The following PREX2 variants were observed in gnomAD, a reference collection of about 807,000 sequenced individuals.
The protein encoded by PREX2 is phosphatidylinositol-3,4,5-trisphosphate dependent Rac exchange factor 2.
Under a neutral mutation model 203.2 loss-of-function variants are expected in PREX2, and 107 were observed. That is an observed-to-expected ratio of 0.53 (90% confidence interval 0.45 to 0.62). PREX2 has a LOEUF of 0.62. Among genes scored for constraint, PREX2 ranks in the 20% least tolerant of loss-of-function variants. PREX2 has a pLI of 0.00. For missense variants in PREX2, 1,777 were observed against 1,955.9 expected (o/e 0.91, Z 1.72); for synonymous variants, 672 against 663.6 (o/e 1.01, Z -0.19).
In PREX2 at chr8:67,952,500, C is replaced by T. The variant is rs1459888665; in HGVS notation, c.106C>T (p.Arg36Trp). The change falls in exon 1 of 40, where the codon CGG (arginine) becomes TGG (tryptophan). Residue 36 changes from arginine (R) to tryptophan (W), a missense_variant. Physicochemically the swap from Arg to Trp is moderately radical, Grantham distance 101. Transcript: ENST00000288368. ...CVLSELQKTE[R>W]DYVGTLEFLV... is the part of the protein sequence containing the mutation. ...GCTCAGCGAGCTCCAGAAGACCGAG[C>T]GGGACTATGTGGGCACGCTGGAGTT... The T allele has an allele frequency of 1.9e-6, 3 of 1,610,014 alleles. No individual in the cohort carries two copies. Among genetic ancestry groups the T allele is most frequent in the Admixed American group, 1.7e-5 (1 of 59,634 alleles).
chr8:68,097,357 C>T (rs1810116453), intron 22 of PREX2, among the ~76,000 whole-genome samples, 156 bp downstream of exon 22: 1 of 150,216 alleles, frequency 6.7e-6, no homozygotes, highest in South Asian at 2.1e-4. Flanking sequence ...CAGAATATCA[C>T]TCTGTCACCC....
chr8:68,185,125 C>T (rs1389605088), intron 35 of PREX2, among the ~76,000 whole-genome samples: 2 of 152,114 alleles, frequency 1.3e-5, no homozygotes, highest in Admixed American at 6.6e-5. Flanking sequence ...TAGGGTCTCT[C>T]GCAGCATTCA....
chr8:68,150,676 G>C (rs1490909209), intron 34 of PREX2, among the ~76,000 whole-genome samples: 1 of 152,166 alleles, frequency 6.6e-6, no homozygotes, highest in Non-Finnish European at 1.5e-5. Flanking sequence ...CTTCTTGGCT[G>C]TGGGTGCCTT....
In PREX2 at chr8:68,233,244, CT is replaced by C. The variant is rs1267744168; in HGVS notation, c.*1867del. On this transcript the variant is annotated 3_prime_UTR_variant, in exon 40 of 40. Coordinates refer to ENST00000288368, the MANE Select transcript of PREX2 (RefSeq NM_024870.4). ...TTGTAGGACTAATAAAGGAACACAG[CT>C]GATTAGCTAGCAAGTCCTTTCATAT... 8 of 152,168 alleles carry C rather than the reference CT, an allele frequency of 5.3e-5. No homozygotes were observed. Among genetic ancestry groups the C allele is most frequent in the African/African-American group, 1.9e-4 (8 of 41,460 alleles). The allele number at this position is 152,168 out of a possible 1,614,324, so 9.4% of individuals were successfully genotyped here. A position where few individuals can be genotyped will look rare whatever the true frequency, so the allele number is the denominator to read the frequency against.
At chr8:68,202,740 G>A (rs1812530097) in intron 37 of PREX2, among the ~76,000 whole-genome samples, 1 of 152,176 alleles carries the variant, frequency 6.6e-6, no homozygotes, top group Admixed American at 6.5e-5. Flanking sequence ...ATAGGACAGA[G>A]AGAGACAGAG....
chr8:68,121,091 A>G, intron 30 of PREX2, 42 bp downstream of exon 30: 1 of 1,601,490 alleles, frequency 6.2e-7, no homozygotes, highest in Non-Finnish European at 8.5e-7. Context: ...TATTAGCAAT[A>G]ATCAATTTAA....
intron 1 of PREX2, among the ~76,000 whole-genome samples, chr8:67,979,610 T>C (rs2129609143): frequency 6.6e-6 from 1 of 152,318 alleles, no homozygotes; most frequent in East Asian, 1.9e-4. Context: ...TCAGATGGTT[T>C]TATGGTTTGT....
At chr8:68,041,192 T>C (rs932022046) in intron 7 of PREX2, among the ~76,000 whole-genome samples, 2 of 152,160 alleles carry the variant, frequency 1.3e-5, no homozygotes, top group Admixed American at 1.3e-4. Context: ...AAATGACTGT[T>C]TATTCCAGGT....
intron 12 of PREX2, among the ~76,000 whole-genome samples, 198 bp downstream of exon 12, chr8:68,069,334 T>C (rs1809120636): frequency 6.6e-6 from 1 of 151,912 alleles, no homozygotes; most frequent in Non-Finnish European, 1.5e-5. Flanking sequence ...TCTTACCTAA[T>C]TCTAAATGGT....
In PREX2 at chr8:68,147,103, C is replaced by T. The variant is rs141280422; in HGVS notation, c.4231+751C>T. On this transcript the variant is annotated intron_variant, in intron 34 of 39. Coordinates refer to ENST00000288368, the MANE Select transcript of PREX2 (RefSeq NM_024870.4). ...TCTAAAAAAAATGTGTGTCATGTCA[C>T]AAGATTGTATCAGTTTCTCTGAATG... Among the ~76,000 whole-genome samples, 1,094 of 152,230 alleles carry T rather than the reference C, an allele frequency of 7.2e-3. 6 individuals carry two copies. Among genetic ancestry groups the T allele is most frequent in the Middle Eastern group, 0.02 (6 of 294 alleles).
Position 67,974,276 on chromosome 8 carries a change from A to G in PREX2, c.141+21741A>G, listed in dbSNP as rs138107365. ...TACTTTGGACTTAGACTAACAAGAT[A>G]CAATTTGCCAGTATCTTGGTTGAGA... On this transcript the variant is annotated intron_variant, in intron 1 of 39. Transcript: ENST00000288368. Among the ~76,000 whole-genome samples the G allele has an allele frequency of 4.5e-3, 683 of 152,236 alleles. 3 individuals carry two copies. Among genetic ancestry groups the G allele is most frequent in the Middle Eastern group, 0.02 (6 of 294 alleles).
At chr8:68,069,159 C>G (rs375237518) in intron 12 of PREX2, 23 bp downstream of exon 12, 1 of 1,075,692 alleles carries the variant, frequency 9.3e-7, no homozygotes, top group Non-Finnish European at 1.4e-6. Flanking sequence ...CCCACAACCT[C>G]TCCAATAGTA....
intron 7 of PREX2, among the ~76,000 whole-genome samples, chr8:68,039,602 C>A (rs1808134680): frequency 6.6e-6 from 1 of 152,108 alleles, no homozygotes; most frequent in African/African-American, 2.4e-5. Flanking sequence ...GTTGTGATGG[C>A]CATGAGGAGT....
chr8:68,146,050 A>G (rs1443430805), intron 33 of PREX2, among the ~76,000 whole-genome samples, 159 bp from the exon 34 acceptor site: 1 of 152,098 alleles, frequency 6.6e-6, no homozygotes, highest in Non-Finnish European at 1.5e-5. Context: ...TAATACTTTC[A>G]CTGAATAGCA....
At chr8:68,194,915 C>T (rs2129614744) in intron 37 of PREX2, among the ~76,000 whole-genome samples, 1 of 152,226 alleles carries the variant, frequency 6.6e-6, no homozygotes, top group South Asian at 2.1e-4. Flanking sequence ...CCAGTGTGTT[C>T]AAGCAACAAC....
intron 1 of PREX2, among the ~76,000 whole-genome samples, chr8:67,981,143 T>A (rs1806257428): frequency 6.6e-6 from 1 of 152,140 alleles, no homozygotes; most frequent in African/African-American, 2.4e-5. Flanking sequence ...TAGTTCACAG[T>A]TATTGGGAAA....
intron 23 of PREX2, 191 bp downstream of exon 23, chr8:68,100,034 T>G (rs1563545319): frequency 4.2e-6 from 3 of 714,134 alleles, no homozygotes; most frequent in Non-Finnish European, 7.8e-6. Context: ...TTTGCAAACT[T>G]GTAAGTTATG....
At chr8:68,142,878 A>G (rs1010249153) in intron 33 of PREX2, among the ~76,000 whole-genome samples, 1 of 152,130 alleles carries the variant, frequency 6.6e-6, no homozygotes, top group Admixed American at 6.5e-5. Flanking sequence ...CATGAAATTT[A>G]TTTTGTGGAA....
Position 68,224,600 on chromosome 8 carries a change from A to T in PREX2, c.4749A>T (p.Arg1583Ser). Residue 1583 changes from arginine (R) to serine (S), a missense_variant, in exon 39 of 40, where the codon AGA becomes AGT. Arg to Ser is a moderately radical substitution (Grantham distance 110). Coordinates refer to ENST00000288368, the MANE Select transcript of PREX2 (RefSeq NM_024870.4). ...VQNTAKNLGV[R>S]DRTPQSAPRL... is the part of the protein sequence containing the mutation. Reference sequence around the variant, plus strand: ...ACACAGCGAAGAATTTGGGAGTCAGAGACCGGACTCCACAGTCTGCACCAA... The same window carrying T: ...ACACAGCGAAGAATTTGGGAGTCAGTGACCGGACTCCACAGTCTGCACCAA... The T allele has an allele frequency of 1.9e-6, 3 of 1,613,712 alleles. No individual in the cohort carries two copies. Among genetic ancestry groups the T allele is most frequent in the Non-Finnish European group, 1.7e-6 (2 of 1,179,746 alleles).
Sources: gnomAD v4.1 joint callset for allele counts (sites outside exome capture counted in the v4.1 genomes callset) on GRCh38, gnomAD v4.1.1 for gene constraint, MANE v1.5 for transcripts, NCBI Gene and HGNC (gene_info 2026-07-23, HGNC 2026-07-21) for gene names.